Variants in GLCE observed in about 807,000 individuals in gnomAD.
GLCE encodes D-glucuronyl C5-epimerase.
Under a neutral mutation model 47.9 loss-of-function variants are expected in GLCE, and 19 were observed. The observed-to-expected ratio is 0.40, with a 90% CI of 0.28 to 0.58. The LOEUF (loss-of-function observed/expected upper bound fraction) is 0.58. Ranked by LOEUF, GLCE falls within the 20% of genes least tolerant of loss-of-function variation. The probability of loss-of-function intolerance (pLI) is 0.48; values close to 1 mark genes in which losing one functional copy is unlikely to be tolerated. For missense variants in GLCE, 556 were observed against 743.3 expected, an observed-to-expected ratio of 0.75 and a Z score of 2.93; for synonymous variants, 245 against 263.4, an observed-to-expected ratio of 0.93 and a Z score of 0.68.
At chr15:69,205,713 A>G (rs2140368868) in intron 1 of GLCE, among the ~76,000 whole-genome samples, 1 of 152,110 alleles carries the variant, frequency 6.6e-6, no homozygotes, top group East Asian at 1.9e-4. Context: ...GTACCTGATA[A>G]TGAGTTTCAT....
chr15:69,201,469 T>G (rs2052075910), intron 1 of GLCE, among the ~76,000 whole-genome samples: 2 of 151,988 alleles, frequency 1.3e-5, no homozygotes, highest in South Asian at 4.2e-4. Flanking sequence ...CTTGCCTATC[T>G]AGCAGTATAC....
intron 1 of GLCE, among the ~76,000 whole-genome samples, chr15:69,203,395 G>T (rs1429730868): frequency 2.6e-5 from 4 of 152,110 alleles, no homozygotes; most frequent in African/African-American, 7.2e-5. Context: ...GACAGGTGCA[G>T]TGCATCTTTG....
intron 1 of GLCE, among the ~76,000 whole-genome samples, chr15:69,172,943 C>T (rs542030459): frequency 5.9e-5 from 9 of 151,758 alleles, no homozygotes; most frequent in Non-Finnish European, 1.0e-4. Context: ...TGATAAAGAC[C>T]GGCCTATAGT....
intron 1 of GLCE, among the ~76,000 whole-genome samples, chr15:69,189,430 TTATC>T (rs2051881540): frequency 6.6e-6 from 1 of 152,236 alleles, no homozygotes; most frequent in Non-Finnish European, 1.5e-5. Flanking sequence ...CACGGTTTAT[TTATC>T]CATTCACCTA....
At chr15:69,167,698 C>T (rs1173163804) in intron 1 of GLCE, among the ~76,000 whole-genome samples, 1 of 151,972 alleles carries the variant, frequency 6.6e-6, no homozygotes, top group Non-Finnish European at 1.5e-5. Flanking sequence ...ACTTTAGCAG[C>T]TCAGAAGATT....
At chr15:69,233,850 A>G (rs1176616029) in intron 2 of GLCE, among the ~76,000 whole-genome samples, 6 of 152,206 alleles carry the variant, frequency 3.9e-5, no homozygotes, top group Admixed American at 3.9e-4. Context: ...TGTCTTAAGG[A>G]AGCAATTTTT....
chr15:69,233,137 CAT>C (rs1462893505), intron 2 of GLCE, among the ~76,000 whole-genome samples: 3 of 152,138 alleles, frequency 2.0e-5, no homozygotes, highest in Non-Finnish European at 2.9e-5. Flanking sequence ...CTTAAAATTT[CAT>C]AGTCATCTTA....
intron 1 of GLCE, among the ~76,000 whole-genome samples, chr15:69,161,978 G>A (rs925115867): frequency 2.6e-5 from 4 of 152,182 alleles, no homozygotes; most frequent in South Asian, 4.1e-4. Context: ...GATCTGTTCT[G>A]AAGTCTTGCC....
intron 3 of GLCE, among the ~76,000 whole-genome samples, chr15:69,260,260 TTTTTTTTTTTTTTTTTTGAGACAGAGTC>T (rs1274086690): frequency 1.4e-5 from 2 of 142,152 alleles, no homozygotes; most frequent in African/African-American, 5.2e-5. Flanking sequence ...TGGTTTTTTT[TTTTTTTTTTTTTTTTTTGAGACAGAGTC>T]TTGCTCCATC....
intron 2 of GLCE, among the ~76,000 whole-genome samples, chr15:69,248,370 G>A (rs115678792): frequency 1.3e-5 from 2 of 152,126 alleles, no homozygotes; most frequent in Non-Finnish European, 2.9e-5. Context: ...CCAATATACA[G>A]CATCACAGTC....
At chr15:69,194,253 A>G (rs2051954535) in intron 1 of GLCE, among the ~76,000 whole-genome samples, 4 of 152,150 alleles carry the variant, frequency 2.6e-5, no homozygotes, top group Admixed American at 2.6e-4. Context: ...CTAGATTTAT[A>G]CTAAGGAATT....
chr15:69,255,694 A>T, intron 2 of GLCE, 100 bp from the exon 3 acceptor site: 1 of 683,352 alleles, frequency 1.5e-6, no homozygotes, highest in Non-Finnish European at 2.4e-6. Flanking sequence ...GTCCTAATAC[A>T]GTTGTTCAAC....
At chr15:69,246,587 A>G (rs1354039051) in intron 2 of GLCE, among the ~76,000 whole-genome samples, 1 of 152,004 alleles carries the variant, frequency 6.6e-6, no homozygotes, top group East Asian at 1.9e-4. Flanking sequence ...ATGGTGGCAC[A>G]TGCCTCTAAT....
At chr15:69,265,685 G>A (rs1384021201) in intron 4 of GLCE, among the ~76,000 whole-genome samples, 1 of 152,192 alleles carries the variant, frequency 6.6e-6, no homozygotes, top group Non-Finnish European at 1.5e-5. Context: ...ATTAAACCAT[G>A]TCATTTCATT....
Position 69,270,071 on chromosome 15 carries a change from T to G in GLCE, c.*827T>G, listed in dbSNP as rs2053144655. 1 of 152,632 alleles carries G rather than the reference T, an allele frequency of 6.6e-6. No individual in the cohort carries two copies. Among genetic ancestry groups the G allele is most frequent in the Non-Finnish European group, 1.5e-5 (1 of 68,048 alleles). The allele number at this position is 152,632 out of a possible 1,614,324, so 9.5% of individuals were successfully genotyped here. The stretch of plus-strand genomic sequence containing the variant: ...TTTATTTCAGACTATACCTTGGAGT[T>G]TTGTATATTTTGAGAGAGATATTTT... On this transcript the variant is annotated 3_prime_UTR_variant, in exon 5 of 5. Coordinates refer to ENST00000261858, the MANE Select transcript of GLCE (RefSeq NM_015554.3).
chr15:69,250,371 C>G (rs1427367198), intron 2 of GLCE, among the ~76,000 whole-genome samples: 1 of 152,070 alleles, frequency 6.6e-6, no homozygotes, highest in Non-Finnish European at 1.5e-5. Context: ...CATCCTCCTT[C>G]GATCTCTCTT....
chr15:69,179,391 A>G (rs1298245726), intron 1 of GLCE, among the ~76,000 whole-genome samples: 2 of 152,246 alleles, frequency 1.3e-5, no homozygotes, highest in Admixed American at 1.3e-4. Context: ...AACATCTTAT[A>G]TAACCCTAGT....
At chr15:69,167,092 T>C (rs1475316040) in intron 1 of GLCE, among the ~76,000 whole-genome samples, 1 of 152,012 alleles carries the variant, frequency 6.6e-6, no homozygotes, top group Non-Finnish European at 1.5e-5. Context: ...GGTGCACACC[T>C]GTAATCCCAG....
At chr15:69,195,310 A>AT (rs971230908) in intron 1 of GLCE, among the ~76,000 whole-genome samples, 22 of 150,974 alleles carry the variant, frequency 1.5e-4, no homozygotes, top group South Asian at 4.2e-4. Flanking sequence ...TCTCAGCTAA[A>AT]TTTTTTTTTT....
Sources: gnomAD v4.1 joint callset for allele counts (sites outside exome capture counted in the v4.1 genomes callset) on GRCh38, gnomAD v4.1.1 for gene constraint, MANE v1.5 for transcripts, NCBI Gene and HGNC (gene_info 2026-07-23, HGNC 2026-07-21) for gene names.